Variants in FLT1 observed in about 807,000 individuals in gnomAD.
FLT1 encodes the protein fms related receptor tyrosine kinase 1.
FLT1 carries 49 observed loss-of-function variants against 156.3 expected under a neutral mutation model. The observed-to-expected ratio is 0.31, with a 90% confidence interval of 0.25 to 0.40. FLT1 has a LOEUF of 0.40. Among genes scored for constraint, FLT1 ranks in the 10% least tolerant of loss-of-function variants. The pLI, the probability that FLT1 is intolerant of heterozygous loss-of-function variation, is 1.00. For missense variants in FLT1, 1,322 were observed against 1,637.2 expected, an observed-to-expected ratio of 0.81 and a Z score of 3.32; for synonymous variants, 594 against 583.8, an observed-to-expected ratio of 1.02 and a Z score of -0.25.
intron 12 of FLT1, among the ~76,000 whole-genome samples, chr13:28,392,016 C>A (rs918888850): frequency 2.0e-5 from 3 of 152,190 alleles, no homozygotes; most frequent in Non-Finnish European, 2.9e-5. Context: ...ATACTTTGCA[C>A]ACAAAGCTAT....
At chr13:28,325,675 G>A (rs928237236) in intron 20 of FLT1, among the ~76,000 whole-genome samples, 7 of 151,862 alleles carry the variant, frequency 4.6e-5, no homozygotes, top group East Asian at 1.9e-4. Flanking sequence ...TTAGCTGGGC[G>A]TTGTGGCGGG....
intron 11 of FLT1, among the ~76,000 whole-genome samples, chr13:28,401,982 T>G (rs766371378): frequency 1.4e-4 from 21 of 152,210 alleles, no homozygotes; most frequent in Non-Finnish European, 2.6e-4. Context: ...CTACTCCATA[T>G]CTACAAACCT....
At position 28,305,162 on chromosome 13, in the gene FLT1, C is replaced by A. The variant is rs539195550; in HGVS notation, c.3815+1516G>T. 3.9e-5 allele frequency among the ~76,000 whole-genome samples: 6 copies of A among 152,318 alleles called. No homozygotes were observed. In the East Asian group the frequency reaches 1.2e-3, roughly 29 times the overall value. On this transcript the variant is annotated intron_variant, in intron 29 of 29. Transcript: ENST00000282397. ...TTCCACCAGCAGTGTATGAGGGTTC[C>A]AATTTCTCCATATCCTCGCCACACT... is the stretch of plus-strand genomic sequence containing the variant.
chr13:28,368,574 A>ATAG (rs1873400996), intron 14 of FLT1: 6 of 1,514,342 alleles, frequency 4.0e-6, no homozygotes, highest in Non-Finnish European at 5.4e-6. Flanking sequence ...GATAATGATG[A>ATAG]TAGCTATGAT....
In FLT1 at chr13:28,300,377, G is replaced by A. The variant is rs1870454287; in HGVS notation, c.*2790C>T. The A allele has an allele frequency of 4.3e-6, 1 of 233,026 alleles. No homozygotes were observed. The highest frequency in any genetic ancestry group is 1.8e-4 in the South Asian group (1 of 5,518). 14.4% of individuals were successfully genotyped at this position (233,026 alleles called of 1,614,324 possible). On this transcript the variant is annotated 3_prime_UTR_variant, in exon 30 of 30. Coordinates refer to ENST00000282397, the MANE Select transcript of FLT1 (RefSeq NM_002019.4). ...TTTGGAAGTTTATTATATGAAGATG[G>A]TATACAAAATACATTCATCATGACT...
intron 10 of FLT1, among the ~76,000 whole-genome samples, chr13:28,423,609 C>T (rs188665552): frequency 7.5e-4 from 114 of 152,318 alleles, no homozygotes; most frequent in African/African-American, 2.6e-3. Flanking sequence ...ATGATTACAA[C>T]CTTGCAAATC....
chr13:28,450,774 G>A (rs2137585312), intron 3 of FLT1, among the ~76,000 whole-genome samples: 1 of 152,192 alleles, frequency 6.6e-6, no homozygotes, highest in Admixed American at 6.5e-5. Flanking sequence ...GAAAACTGAG[G>A]CCCAGAGAGG....
intron 10 of FLT1, among the ~76,000 whole-genome samples, chr13:28,415,296 A>G (rs1023849764): frequency 3.9e-5 from 6 of 152,158 alleles, no homozygotes; most frequent in African/African-American, 1.4e-4. Flanking sequence ...CCTGACCAAC[A>G]TGGAGAAACC....
intron 3 of FLT1, among the ~76,000 whole-genome samples, chr13:28,456,789 C>T (rs889246309): frequency 1.4e-5 from 2 of 141,492 alleles, no homozygotes; most frequent in African/African-American, 5.8e-5. Flanking sequence ...GGATGAGACT[C>T]CCTCTCAAAA....
At chr13:28,361,064 G>T (rs754849939) in intron 14 of FLT1, among the ~76,000 whole-genome samples, 1 of 151,904 alleles carries the variant, frequency 6.6e-6, no homozygotes, top group African/African-American at 2.4e-5. Context: ...TGGATCATGA[G>T]GTCTAGGAAT....
chr13:28,484,915 T>A (rs1170218054), intron 1 of FLT1, among the ~76,000 whole-genome samples: 1 of 132,960 alleles, frequency 7.5e-6, no homozygotes, highest in South Asian at 2.5e-4. Context: ...TAAAATAATA[T>A]ATGTAACTCC....
chr13:28,337,758 G>A (rs943323003), intron 17 of FLT1, among the ~76,000 whole-genome samples: 3 of 152,242 alleles, frequency 2.0e-5, no homozygotes, highest in Non-Finnish European at 4.4e-5. Flanking sequence ...CTGTGATGTG[G>A]TGTGGATCAC....
intron 11 of FLT1, among the ~76,000 whole-genome samples, chr13:28,404,357 G>A (rs1310222205): frequency 6.6e-6 from 1 of 151,922 alleles, no homozygotes; most frequent in East Asian, 1.9e-4. Context: ...AAAGACTTTG[G>A]TTTGAGTCTC....
intron 14 of FLT1, among the ~76,000 whole-genome samples, chr13:28,372,048 G>GTGTGTA (rs1288888215): frequency 9.3e-5 from 7 of 75,582 alleles, no homozygotes; most frequent in South Asian, 4.7e-4. Flanking sequence ...GTGTGTGTGT[G>GTGTGTA]TATATATATA....
At chr13:28,336,067 G>T (rs1449303184) in intron 17 of FLT1, among the ~76,000 whole-genome samples, 1 of 152,202 alleles carries the variant, frequency 6.6e-6, no homozygotes. Context: ...GAAATATCCA[G>T]ATCTTTTCTC....
rs7998431 is a variant in FLT1 at position 28,327,324 on chromosome 13, A to G, written c.2796+138T>C. 1,254 of 671,154 alleles carry G rather than the reference A, an allele frequency of 1.9e-3. 10 individuals are homozygous for G. The African/African-American group carries it at 0.019, about 10-fold the overall frequency. The allele number at this position is 671,154 out of a possible 1,614,324, so 41.6% of individuals were successfully genotyped here. A position where few individuals can be genotyped will look rare whatever the true frequency, so the allele number is the denominator to read the frequency against. On this transcript the variant is annotated intron_variant, in intron 20 of 29. Transcript: ENST00000282397. ...AGATTATCAGGGGAAAAAACATGAA[A>G]AAAGGAGAAGAAGCAGAGATTGAGT...
At chr13:28,445,702 A>T (rs555513603) in intron 3 of FLT1, among the ~76,000 whole-genome samples, 189 of 152,290 alleles carry the variant, frequency 1.2e-3, no homozygotes, top group African/African-American at 4.5e-3. Context: ...CTCACGAGGG[A>T]AAGTCAGGGC....
rs1874357884 is a variant in FLT1, at chr13:28,386,330, A to G, written c.1970-1299T>C. On this transcript the variant is annotated intron_variant, in intron 13 of 29. Coordinates refer to ENST00000282397, the MANE Select transcript of FLT1 (RefSeq NM_002019.4). ...AGGTTAAAATGTATATTATCACATA[A>G]ATTTTATAACATTGTTGAAGTAGTA... The G allele has an allele frequency of 3.0e-6, 3 of 1,014,194 alleles. No homozygotes were observed. The South Asian group carries it at 1.4e-4, about 48-fold the overall frequency. The allele number at this position is 1,014,194 out of a possible 1,614,324, so 62.8% of individuals were successfully genotyped here.
intron 14 of FLT1, among the ~76,000 whole-genome samples, chr13:28,375,494 G>T (rs1015913217): frequency 1.3e-5 from 2 of 151,936 alleles, no homozygotes; most frequent in Non-Finnish European, 2.9e-5. Context: ...GTTAGTTTTC[G>T]CATGCTGTTA....
Sources: allele counts gnomAD v4.1 joint callset (sites outside exome capture counted in the v4.1 genomes callset), GRCh38; gene constraint gnomAD v4.1.1; transcripts MANE v1.5; gene names NCBI Gene and HGNC (gene_info 2026-07-23, HGNC 2026-07-21).